Variants in NPIPB2 observed in about 807,000 individuals in gnomAD.
NPIPB2 encodes nuclear pore complex interacting protein family member B2.
A neutral mutation model predicts 30.8 loss-of-function variants in NPIPB2; 27 were observed. That is an observed-to-expected ratio of 0.88 (90% CI 0.65 to 1.21). The LOEUF is 1.21. NPIPB2 is among the 50% of genes most tolerant of loss of function. The probability of loss-of-function intolerance (pLI) is 0.00; values close to 1 mark genes in which losing one functional copy is unlikely to be tolerated. For missense variants in NPIPB2, 440 were observed against 446.2 expected (o/e 0.99, Z 0.13); for synonymous variants, 147 against 162.0 (o/e 0.91, Z 0.70).
intron 1 of NPIPB2, among the ~76,000 whole-genome samples, chr16:11,948,461 T>C (rs1454207657): frequency 6.6e-6 from 1 of 152,032 alleles, no homozygotes; most frequent in East Asian, 1.9e-4. Flanking sequence ...AAATACAGAC[T>C]GTGGAGTGTG....
chr16:11,962,112 C>T (rs1344714793), intron 1 of NPIPB2, among the ~76,000 whole-genome samples: 1 of 146,696 alleles, frequency 6.8e-6, no homozygotes, highest in Non-Finnish European at 1.5e-5. Context: ...GTGGGAGGAT[C>T]GCTTAAGCCC....
At chr16:11,950,389 C>T (rs149044162) in intron 1 of NPIPB2, among the ~76,000 whole-genome samples, 2 of 152,148 alleles carry the variant, frequency 1.3e-5, no homozygotes, top group South Asian at 2.1e-4. Flanking sequence ...AGACTGGTCT[C>T]GAACTCATGG....
chr16:11,967,462 G>GA (rs1432416790), intron 1 of NPIPB2: 15 of 1,222,928 alleles, frequency 1.2e-5, no homozygotes, highest in Non-Finnish European at 6.8e-6. Flanking sequence ...TCTAAAAAAT[G>GA]AAAAAATCTC....
intron 1 of NPIPB2, chr16:11,941,215 A>G: frequency 6.6e-7 from 1 of 1,526,516 alleles, no homozygotes; most frequent in Admixed American, 2.0e-5. Flanking sequence ...CCAAAAGAGG[A>G]GCCAAAAGAG....
intron 1 of NPIPB2, among the ~76,000 whole-genome samples, chr16:11,970,876 A>C: frequency 7.4e-6 from 1 of 135,972 alleles, no homozygotes. Flanking sequence ...TTTTTTTGAG[A>C]TAGGGTCTTA....
chr16:11,974,262 A>G (rs1361746402), intron 1 of NPIPB2, among the ~76,000 whole-genome samples: 1 of 152,200 alleles, frequency 6.6e-6, no homozygotes, highest in Non-Finnish European at 1.5e-5. Context: ...TCATGCCTGT[A>G]ATCCCAGCAC....
intron 1 of NPIPB2, among the ~76,000 whole-genome samples, chr16:11,939,023 G>A (rs1285324513): frequency 6.6e-6 from 1 of 152,022 alleles, no homozygotes; most frequent in Non-Finnish European, 1.5e-5. Flanking sequence ...TGGGAATACA[G>A]GTGTGAGCCA....
chr16:11,933,446 G>T, intron 4 of NPIPB2, 71 bp downstream of exon 4: 1 of 1,586,802 alleles, frequency 6.3e-7, no homozygotes, highest in Admixed American at 1.7e-5. Context: ...ATATTCTCAA[G>T]GACTTTACAG....
chr16:11,951,305 A>T (rs12929544), intron 1 of NPIPB2, among the ~76,000 whole-genome samples: 29,058 of 147,572 alleles, frequency 0.2, 5,419 homozygotes, highest in African/African-American at 0.48. Context: ...AAAATATATA[A>T]AAAAAAAAAT....
intron 1 of NPIPB2, chr16:11,941,116 G>A (rs1164493553): frequency 4.2e-6 from 6 of 1,434,794 alleles, no homozygotes; most frequent in South Asian, 1.2e-5. Context: ...TTCATGCCGC[G>A]TGACACAGCC....
chr16:11,943,133 AAT>A (rs2054960660), upstream of NPIPB2, among the ~76,000 whole-genome samples: 1 of 151,820 alleles, frequency 6.6e-6, no homozygotes, highest in Non-Finnish European at 1.5e-5. Context: ...CAGCCTGGCC[AAT>A]ATGGTGAAAC....
chr16:11,966,125 A>C lies in NPIPB2; in HGVS notation c.-584+10443T>G, dbSNP rs1011334034. 6.3e-6 allele frequency: 9 copies of C among 1,433,224 alleles called. No homozygotes were observed. In the South Asian group the frequency reaches 8.5e-5, roughly 14 times the overall value. The allele number at this position is 1,433,224 out of a possible 1,614,324, so 88.8% of individuals were successfully genotyped here. ...GACTTTGTCTCAAAATAAATAAATA[A>C]ATAATAACAATAAAGTATGTGAATA... On this transcript the variant is annotated intron_variant, in intron 1 of 5. Coordinates refer to the NPIPB2 transcript ENST00000538896.
intron 1 of NPIPB2, among the ~76,000 whole-genome samples, chr16:11,960,362 T>G (rs2055144641): frequency 6.6e-6 from 1 of 150,484 alleles, no homozygotes; most frequent in South Asian, 2.1e-4. Flanking sequence ...CCTTTTTTTT[T>G]TTTTTTTTTT....
chr16:11,947,260 GGTGT>G (rs762637486), intron 1 of NPIPB2, among the ~76,000 whole-genome samples: 1 of 143,286 alleles, frequency 7.0e-6, no homozygotes. Context: ...ATGGTTGAAT[GGTGT>G]GTGTGTGTGT....
At chr16:11,933,780 G>T in intron 3 of NPIPB2, 45 bp downstream of exon 3, 1 of 1,594,646 alleles carries the variant, frequency 6.3e-7, no homozygotes, top group Non-Finnish European at 8.5e-7. Flanking sequence ...TCCCTTTCCA[G>T]GGCAAACTCA....
intron 2 of NPIPB2, among the ~76,000 whole-genome samples, chr16:11,937,270 A>C (rs1386006644): frequency 2.0e-5 from 3 of 152,104 alleles, no homozygotes; most frequent in African/African-American, 7.2e-5. Context: ...GAAACCTCAT[A>C]CTCCATTTGT....
chr16:11,939,201 T>TAAA (rs71139506), intron 1 of NPIPB2, among the ~76,000 whole-genome samples: 3 of 146,854 alleles, frequency 2.0e-5, no homozygotes, highest in African/African-American at 7.5e-5. Context: ...TCAGCATAAG[T>TAAA]AAAAAAAAAA....
exon 2 of NPIPB2, chr16:11,937,552 T>C (rs1308199582): frequency 1.9e-6 from 3 of 1,596,890 alleles, no homozygotes; most frequent in South Asian, 2.2e-5. Flanking sequence ...AAAGGTAAAC[T>C]GTCCAGAGGG....
chr16:11,943,997 C>CAAAAAAAAAAAAAAA (rs398070768), upstream of NPIPB2, among the ~76,000 whole-genome samples: 1 of 50,348 alleles, frequency 2.0e-5, no homozygotes, highest in African/African-American at 8.0e-5. Flanking sequence ...GACTCTGTCT[C>CAAAAAAAAAAAAAAA]AAAAAAAAAA....
Sources: allele counts gnomAD v4.1 joint callset (sites outside exome capture counted in the v4.1 genomes callset), GRCh38; gene constraint gnomAD v4.1.1; transcripts MANE v1.5; gene names NCBI Gene and HGNC (gene_info 2026-07-23, HGNC 2026-07-21).